FHIT: variants seen among roughly 807,000 people sequenced by gnomAD.
The protein encoded by FHIT is bis(5'-adenosyl)-triphosphatase.
Under a neutral mutation model 17.9 loss-of-function variants are expected in FHIT, and 19 were observed. The ratio of observed to expected loss-of-function variants is 1.06; its 90% CI spans 0.74 to 1.56. The LOEUF is 1.56. FHIT is among the 40% of genes most tolerant of loss of function. FHIT has a pLI of 0.00. For missense variants in FHIT, 248 were observed against 189.2 expected (o/e 1.31, Z -1.82); for synonymous variants, 81 against 69.7 (o/e 1.16, Z -0.81).
intron 5 of FHIT, among the ~76,000 whole-genome samples, chr3:60,077,702 A>ACACACT (rs1559611348): frequency 9.9e-6 from 1 of 100,978 alleles, no homozygotes; most frequent in African/African-American, 4.4e-5. Context: ...ACACACACAC[A>ACACACT]CACACACACA....
At chr3:60,204,269 T>A (rs1479432945) in intron 5 of FHIT, among the ~76,000 whole-genome samples, 1 of 152,052 alleles carries the variant, frequency 6.6e-6, no homozygotes, top group Non-Finnish European at 1.5e-5. Flanking sequence ...GGTATTTTAT[T>A]TATTTTATTA....
intron 2 of FHIT, among the ~76,000 whole-genome samples, chr3:61,046,904 T>C (rs1698939598): frequency 6.6e-6 from 1 of 152,176 alleles, no homozygotes; most frequent in Non-Finnish European, 1.5e-5. Flanking sequence ...CATGATTATC[T>C]GACTAGACGC....
chr3:60,955,635 C>CACATATATATATATACAT (rs68147355), intron 3 of FHIT, among the ~76,000 whole-genome samples: 2 of 48,344 alleles, frequency 4.1e-5, no homozygotes, highest in African/African-American at 1.5e-4. Flanking sequence ...TATATATATA[C>CACATATATATATATACAT]ACACACACAC....
At chr3:59,904,113 C>A (rs6794044) in intron 8 of FHIT, among the ~76,000 whole-genome samples, 1 of 142,046 alleles carries the variant, frequency 7.0e-6, no homozygotes, top group Non-Finnish European at 1.5e-5. Flanking sequence ...GCCAGTTGTT[C>A]TAAAGGGGCT....
chr3:61,170,798 T>C (rs2037981283), intron 2 of FHIT, among the ~76,000 whole-genome samples: 1 of 152,192 alleles, frequency 6.6e-6, no homozygotes, highest in Non-Finnish European at 1.5e-5. Context: ...GTTGATTCCA[T>C]ATCTTTGCTA....
intron 5 of FHIT, among the ~76,000 whole-genome samples, chr3:60,217,745 A>G (rs765715172): frequency 8.5e-5 from 13 of 152,056 alleles, no homozygotes; most frequent in Non-Finnish European, 1.9e-4. Flanking sequence ...AATTTCTCCC[A>G]TTCCTAAGGT....
chr3:60,767,323 T>C (rs1553721759), intron 4 of FHIT, among the ~76,000 whole-genome samples: 1 of 152,204 alleles, frequency 6.6e-6, no homozygotes, highest in African/African-American at 2.4e-5. Flanking sequence ...ATGATGACCA[T>C]GCACAGAGTG....
chr3:60,237,855 G>T (rs1704887783), intron 5 of FHIT, among the ~76,000 whole-genome samples: 1 of 152,118 alleles, frequency 6.6e-6, no homozygotes, highest in Admixed American at 6.6e-5. Flanking sequence ...GAATTTGTGG[G>T]CCGGGCATGG....
chr3:60,298,539 T>A (rs1362797307), intron 5 of FHIT, among the ~76,000 whole-genome samples: 1 of 152,182 alleles, frequency 6.6e-6, no homozygotes, highest in Non-Finnish European at 1.5e-5. Context: ...AGAGTCACCA[T>A]CTTTGACTTT....
chr3:60,416,209 A>G (rs1190894151), intron 5 of FHIT, among the ~76,000 whole-genome samples: 2 of 152,140 alleles, frequency 1.3e-5, no homozygotes, highest in Non-Finnish European at 2.9e-5. Context: ...AAGATCATAA[A>G]AAAGTCAATA....
chr3:60,083,082 T>C (rs766709099), intron 5 of FHIT, among the ~76,000 whole-genome samples: 39 of 152,174 alleles, frequency 2.6e-4, no homozygotes, highest in Non-Finnish European at 5.0e-4. Context: ...TCTTCTAGGA[T>C]TTTTATAGTT....
At chr3:60,278,451 G>C (rs1707274959) in intron 5 of FHIT, among the ~76,000 whole-genome samples, 1 of 152,082 alleles carries the variant, frequency 6.6e-6, no homozygotes, top group South Asian at 2.1e-4. Context: ...TCGCAGCCTA[G>C]AAACTCAGGC....
intron 5 of FHIT, among the ~76,000 whole-genome samples, chr3:60,478,678 T>G (rs937065286): frequency 6.6e-6 from 1 of 152,220 alleles, no homozygotes; most frequent in Non-Finnish European, 1.5e-5. Flanking sequence ...TCATTACATA[T>G]AACCTTTTTC....
At chr3:60,042,557 T>C (rs1701484183) in intron 5 of FHIT, among the ~76,000 whole-genome samples, 2 of 152,248 alleles carry the variant, frequency 1.3e-5, no homozygotes, top group South Asian at 4.1e-4. Flanking sequence ...TCACACTGTC[T>C]TCCCTCTTTG....
At chr3:60,180,451 T>A (rs1248698088) in intron 5 of FHIT, among the ~76,000 whole-genome samples, 2 of 152,036 alleles carry the variant, frequency 1.3e-5, no homozygotes, top group South Asian at 4.2e-4. Context: ...CTGAAAGAAA[T>A]GAAAAGAAAG....
chr3:61,211,142 G>C (rs1007937948), intron 1 of FHIT, among the ~76,000 whole-genome samples: 2 of 151,802 alleles, frequency 1.3e-5, no homozygotes, highest in Non-Finnish European at 2.9e-5. Flanking sequence ...GGGAGTGCCA[G>C]ACAGTGGGCG....
intron 5 of FHIT, among the ~76,000 whole-genome samples, chr3:60,192,674 C>T (rs1702458772): frequency 6.6e-6 from 1 of 152,154 alleles, no homozygotes; most frequent in Non-Finnish European, 1.5e-5. Context: ...ATGCTGCTTA[C>T]CTGCCCAGGA....
At chr3:60,073,297 A>T (rs1200559724) in intron 5 of FHIT, among the ~76,000 whole-genome samples, 2 of 152,084 alleles carry the variant, frequency 1.3e-5, no homozygotes, top group Admixed American at 1.3e-4. Flanking sequence ...TTAAGTCTGT[A>T]TATAACAAAA....
At chr3:60,447,604 G>C (rs1165548983) in intron 5 of FHIT, among the ~76,000 whole-genome samples, 2 of 152,098 alleles carry the variant, frequency 1.3e-5, no homozygotes, top group African/African-American at 4.8e-5. Flanking sequence ...AGATGCTCTA[G>C]ATAAATATTT....
Sources: allele counts gnomAD v4.1 joint callset (sites outside exome capture counted in the v4.1 genomes callset), GRCh38; gene constraint gnomAD v4.1.1; transcripts MANE v1.5; gene names NCBI Gene and HGNC (gene_info 2026-07-23, HGNC 2026-07-21).